Variants in SLC45A4 observed in about 807,000 individuals in gnomAD.
SLC45A4 encodes solute carrier family 45 member 4.
A neutral mutation model predicts 63.7 loss-of-function variants in SLC45A4; 32 were observed. The ratio of observed to expected loss-of-function variants is 0.50; its 90% CI spans 0.38 to 0.67. The LOEUF (loss-of-function observed/expected upper bound fraction) is 0.67, where lower values mean the gene tolerates loss of function less well. Ranked by LOEUF, SLC45A4 falls within the 30% of genes least tolerant of loss-of-function variation. The pLI is 0.00. For missense variants in SLC45A4, 1,027 were observed against 1,157.7 expected (o/e 0.89, Z 1.64); for synonymous variants, 535 against 510.0 (o/e 1.05, Z -0.66).
rs1826355906 is a variant in SLC45A4 at position 141,218,605 on chromosome 8, G to A, written c.1035C>T (p.Arg345=). The change falls in exon 5 of 9, where the codon CGC becomes CGT. Residue 345 remains arginine (R), a synonymous_variant. Coordinates refer to ENST00000517878, the MANE Select transcript of SLC45A4 (RefSeq NM_001286646.2). ...FHDASYPATP[R]STSQELAKTK... is the part of the protein sequence containing the mutation. Reference sequence around the variant, plus strand: ...TCTTGGCGAGCTCCTGGCTGGTGCTGCGGGGGGTGGCGGGGTAGGAGGCGT... The same window carrying A: ...TCTTGGCGAGCTCCTGGCTGGTGCTACGGGGGGTGGCGGGGTAGGAGGCGT... 6.2e-7 allele frequency: 1 copy of A among 1,613,386 alleles called. No individual in the cohort carries two copies. The highest frequency in any genetic ancestry group is 1.3e-5 in the African/African-American group (1 of 75,052).
At chr8:141,285,497 A>G (rs1288230402) in intron 1 of SLC45A4, among the ~76,000 whole-genome samples, 1 of 152,182 alleles carries the variant, frequency 6.6e-6, no homozygotes, top group Non-Finnish European at 1.5e-5. Context: ...GAAGGACCCC[A>G]CTTCAGACAA....
chr8:141,263,793 TAATA>T (rs1161551922), intron 1 of SLC45A4, among the ~76,000 whole-genome samples: 2 of 146,302 alleles, frequency 1.4e-5, no homozygotes, highest in African/African-American at 5.1e-5. Context: ...ATAAAAATAA[TAATA>T]AAAACAAAAA....
intron 1 of SLC45A4, among the ~76,000 whole-genome samples, chr8:141,270,421 C>T (rs1196028321): frequency 1.3e-5 from 2 of 151,404 alleles, no homozygotes; most frequent in Non-Finnish European, 2.9e-5. Context: ...CGCCTGTAAT[C>T]CTAACACTTT....
chr8:141,271,137 G>T (rs1242156893), intron 1 of SLC45A4, among the ~76,000 whole-genome samples: 2 of 152,238 alleles, frequency 1.3e-5, no homozygotes, highest in Non-Finnish European at 2.9e-5. Context: ...CCAGCACACG[G>T]GGCTAACCCC....
chr8:141,264,653 C>G (rs576764652), intron 1 of SLC45A4, among the ~76,000 whole-genome samples: 1 of 152,200 alleles, frequency 6.6e-6, no homozygotes, highest in Non-Finnish European at 1.5e-5. Flanking sequence ...GCTGCTGAGT[C>G]GTTCTCTCCA....
At chr8:141,304,761 C>T (rs1352671261) in intron 1 of SLC45A4, among the ~76,000 whole-genome samples, 1 of 152,112 alleles carries the variant, frequency 6.6e-6, no homozygotes, top group African/African-American at 2.4e-5. Flanking sequence ...CAATAACACC[C>T]ACGTCGTCTG....
chr8:141,233,549 T>A (rs1373213766), intron 2 of SLC45A4, among the ~76,000 whole-genome samples: 1 of 152,048 alleles, frequency 6.6e-6, no homozygotes, highest in Non-Finnish European at 1.5e-5. Flanking sequence ...TAGCCGGGCA[T>A]GGTGGCAGAC....
intron 2 of SLC45A4, among the ~76,000 whole-genome samples, chr8:141,235,510 G>A (rs755496050): frequency 6.6e-6 from 1 of 152,182 alleles, no homozygotes; most frequent in Non-Finnish European, 1.5e-5. Flanking sequence ...CGATTCTAAC[G>A]TAAAGCTTAT....
Position 141,229,881 on chromosome 8 carries a change from G to A in SLC45A4, c.242-8116C>T, listed in dbSNP as rs1486187146. ...TGCTGCCCTGCATGTAAAGGGGCAC[G>A]CTGGGAAAGGTGGGCATTATGGAGA... is the stretch of plus-strand genomic sequence containing the variant. On this transcript the variant is annotated intron_variant, in intron 2 of 8. Coordinates refer to ENST00000517878, the MANE Select transcript of SLC45A4 (RefSeq NM_001286646.2). The surrounding 1 kb of genome is among the most constrained non-coding windows in gnomAD (Gnocchi z 5.0). Among the ~76,000 whole-genome samples the A allele has an allele frequency of 1.3e-5, 2 of 152,164 alleles. No individual in the cohort carries two copies. The highest frequency in any genetic ancestry group is 6.5e-5 in the Admixed American group (1 of 15,272).
At chr8:141,304,575 G>C (rs572432217) in intron 1 of SLC45A4, among the ~76,000 whole-genome samples, 1,899 of 150,440 alleles carry the variant, frequency 0.013, 26 homozygotes, top group Non-Finnish European at 0.017. Context: ...AAAAAAAAAG[G>C]GGGGGAGAGA....
At chr8:141,259,825 C>T (rs953150766) in intron 1 of SLC45A4, among the ~76,000 whole-genome samples, 10 of 152,182 alleles carry the variant, frequency 6.6e-5, no homozygotes, top group Admixed American at 2.6e-4. Context: ...CCATATGCAC[C>T]GTTTCCAGCC....
intron 2 of SLC45A4, among the ~76,000 whole-genome samples, chr8:141,242,119 T>C (rs1827948061): frequency 6.6e-6 from 1 of 152,218 alleles, no homozygotes; most frequent in African/African-American, 2.4e-5. Context: ...GCCATCATTA[T>C]ACGCACATTT....
intron 1 of SLC45A4, among the ~76,000 whole-genome samples, chr8:141,295,701 T>G (rs531106345): frequency 6.6e-6 from 1 of 152,088 alleles, no homozygotes; most frequent in Non-Finnish European, 1.5e-5. Flanking sequence ...GATTGACCAC[T>G]CGGAACCCAA....
intron 1 of SLC45A4, among the ~76,000 whole-genome samples, chr8:141,307,570 G>T (rs561738137): frequency 6.6e-6 from 1 of 152,062 alleles, no homozygotes; most frequent in East Asian, 1.9e-4. Context: ...TGTTCGGTTG[G>T]GAGGACCGGT....
chr8:141,291,289 T>C (rs941268713), intron 1 of SLC45A4, among the ~76,000 whole-genome samples: 4 of 152,176 alleles, frequency 2.6e-5, no homozygotes, highest in South Asian at 2.1e-4. Context: ...CCAGAAAAGA[T>C]AGAGAACCAG....
intron 1 of SLC45A4, among the ~76,000 whole-genome samples, chr8:141,307,230 C>A (rs185971287): frequency 3.9e-5 from 6 of 152,266 alleles, no homozygotes; most frequent in African/African-American, 1.2e-4. Context: ...GGGGGAGGAA[C>A]GGGTTAAGCG....
At chr8:141,246,617 T>C (rs11778032) in intron 2 of SLC45A4, among the ~76,000 whole-genome samples, 57,444 of 70,582 alleles carry the variant, frequency 0.81, 22,546 homozygotes, top group Middle Eastern at 0.9. Flanking sequence ...GGGGAGGGCA[T>C]TGCACAAGGC....
Position 141,212,053 on chromosome 8 carries a change from G to A in SLC45A4, c.2301+144C>T, listed in dbSNP as rs916538643. On this transcript the variant is annotated intron_variant, in intron 8 of 8. Coordinates refer to ENST00000517878, the MANE Select transcript of SLC45A4 (RefSeq NM_001286646.2). ...CTGAATTGTGGCTATGGGGGCGGAGGGGCTCTGGCCCGCACTGCCGGGTCG... is the reference window on the plus strand; with the variant it reads ...CTGAATTGTGGCTATGGGGGCGGAGAGGCTCTGGCCCGCACTGCCGGGTCG... 8.8e-6 allele frequency: 12 copies of A among 1,363,920 alleles called. 1 individual carries two copies. Among genetic ancestry groups the A allele is most frequent in the Non-Finnish European group, 1.0e-5 (11 of 1,062,846 alleles). The allele number at this position is 1,363,920 out of a possible 1,614,324, so 84.5% of individuals were successfully genotyped here. A position where few individuals can be genotyped will look rare whatever the true frequency, so the allele number is the denominator to read the frequency against.
chr8:141,242,278 C>T (rs1827954273), intron 2 of SLC45A4, among the ~76,000 whole-genome samples: 1 of 152,242 alleles, frequency 6.6e-6, no homozygotes, highest in Non-Finnish European at 1.5e-5. Context: ...TAATCCAGCT[C>T]ATGTGACAGA....
Sources: gnomAD v4.1 joint callset for allele counts (sites outside exome capture counted in the v4.1 genomes callset) on GRCh38, gnomAD v4.1.1 for gene constraint, Gnocchi (gnomAD v3.1) non-coding constraint, MANE v1.5 for transcripts, NCBI Gene and HGNC (gene_info 2026-07-23, HGNC 2026-07-21) for gene names.